Variants in GRP observed in about 807,000 individuals in gnomAD.
The protein encoded by GRP is gastrin-releasing peptide.
In GRP, 11 loss-of-function variants were observed where a neutral mutation model predicts 12.7. The observed-to-expected ratio is 0.87, with a 90% CI of 0.55 to 1.44. The LOEUF (loss-of-function observed/expected upper bound fraction) is 1.44. Ranked by LOEUF, GRP falls within the 40% of genes most tolerant of loss-of-function variation. The pLI, the probability that GRP is intolerant of heterozygous loss-of-function variation, is 0.00. For synonymous variants in GRP, 84 were observed against 77.7 expected, an observed-to-expected ratio of 1.08 and a Z score of -0.43; for missense variants, 212 against 185.4, an observed-to-expected ratio of 1.14 and a Z score of -0.83.
intron 2 of GRP, among the ~76,000 whole-genome samples, chr18:59,227,278 A>C (rs1345035497): frequency 1.3e-5 from 2 of 152,164 alleles, no homozygotes; most frequent in Non-Finnish European, 2.9e-5. Flanking sequence ...ATTCAGAAAA[A>C]AAACAAAAAC....
At chr18:59,225,409 C>G (rs1603383843) in intron 1 of GRP, 83 bp from the exon 2 acceptor site, 1 of 1,316,954 alleles carries the variant, frequency 7.6e-7, no homozygotes, top group East Asian at 2.3e-5. Flanking sequence ...ACACAATTAG[C>G]TTTAAATTTC....
rs2070010942 is a variant in GRP at position 59,230,291 on chromosome 18, T to C, written c.383-113T>C. 9.9e-6 allele frequency: 7 copies of C among 710,080 alleles called. No homozygotes were observed. In the South Asian group the frequency reaches 1.1e-4, roughly 11 times the overall value. 44.0% of individuals were successfully genotyped at this position (710,080 alleles called of 1,614,324 possible). A position where few individuals can be genotyped will look rare whatever the true frequency, so the allele number is the denominator to read the frequency against. On this transcript the variant is annotated intron_variant, in intron 2 of 2. Coordinates refer to ENST00000256857, the MANE Select transcript of GRP (RefSeq NM_002091.5). ...GTAGGTGTTAGGCTGAACCAAGAAT[T>C]TGCCTTTCTAACAAGCTCCCAAGTG...
Position 59,220,303 on chromosome 18 carries a change from T to A in GRP, c.38T>A (p.Leu13Gln). 6.6e-7 allele frequency: 1 copy of A among 1,506,246 alleles called. No homozygotes were observed. Among genetic ancestry groups the A allele is most frequent in the Non-Finnish European group, 8.8e-7 (1 of 1,131,476 alleles). 93.3% of individuals were successfully genotyped at this position (1,506,246 alleles called of 1,614,324 possible). A position where few individuals can be genotyped will look rare whatever the true frequency, so the allele number is the denominator to read the frequency against. ...GRELPLVLLA[L>Q]VLCLAPRGRA... ...GAGCTCCCGCTGGTCCTGCTGGCGC[T>A]GGTCCTCTGCCTGGCGCCCCGGGGG... is the stretch of plus-strand genomic sequence containing the variant. Residue 13 changes from leucine to glutamine, a missense_variant, in exon 1 of 3, where the codon CTG becomes CAG. Coordinates refer to ENST00000256857, the MANE Select transcript of GRP (RefSeq NM_002091.5).
At chr18:59,226,030 T>C (rs887906600) in intron 2 of GRP, among the ~76,000 whole-genome samples, 2 of 152,146 alleles carry the variant, frequency 1.3e-5, no homozygotes, top group Non-Finnish European at 2.9e-5. Context: ...CCTACAAGAA[T>C]GTTTTGATAG....
At chr18:59,223,596 A>C (rs556225803) in intron 1 of GRP, among the ~76,000 whole-genome samples, 102 of 152,298 alleles carry the variant, frequency 6.7e-4, no homozygotes, top group Middle Eastern at 3.4e-3. Flanking sequence ...TTTTACTGGC[A>C]ATAACTCTTT....
intron 1 of GRP, among the ~76,000 whole-genome samples, chr18:59,222,289 C>T (rs117752812): frequency 6.2e-4 from 95 of 152,380 alleles, no homozygotes; most frequent in South Asian, 1.7e-3. Flanking sequence ...CGCAGAACAT[C>T]TGTCTCCAGG....
At position 59,225,648 on chromosome 18, in the gene GRP, C is replaced by T. The variant is rs1379154049; in HGVS notation, c.296C>T (p.Pro99Leu). ...EAKENRNHQP[P>L]QPKALGNQQP... ...AAGGAGAACAGAAACCACCAGCCACCTCAACCCAAGGCCCTGGGCAATCAG... is the reference window on the plus strand; with the variant it reads ...AAGGAGAACAGAAACCACCAGCCACTTCAACCCAAGGCCCTGGGCAATCAG... Residue 99 changes from proline (P) to leucine (L), a missense_variant, in exon 2 of 3, where the codon CCT (proline) becomes CTT (leucine). Transcript: ENST00000256857. 1 of 1,614,114 alleles carries T rather than the reference C, an allele frequency of 6.2e-7. No individual in the cohort carries two copies. Among genetic ancestry groups the T allele is most frequent in the Non-Finnish European group, 8.5e-7 (1 of 1,179,984 alleles).
chr18:59,219,936 C>A (rs115859485), upstream of GRP, among the ~76,000 whole-genome samples: 786 of 152,194 alleles, frequency 5.2e-3, 5 homozygotes, highest in African/African-American at 0.018. Context: ...GGAATTAATC[C>A]GATGTGGGGA....
intron 2 of GRP, among the ~76,000 whole-genome samples, chr18:59,227,426 C>T (rs1455108243): frequency 2.6e-5 from 4 of 152,152 alleles, no homozygotes; most frequent in Non-Finnish European, 5.9e-5. Context: ...TGATCCCATA[C>T]TCTGAGGGTT....
intron 1 of GRP, among the ~76,000 whole-genome samples, chr18:59,223,815 A>C (rs56397556): frequency 0.033 from 4,984 of 152,296 alleles, 108 homozygotes; most frequent in African/African-American, 0.061. Context: ...TTGAGTGGCT[A>C]TCTGAGCACC....
chr18:59,227,527 A>G (rs2069963196), intron 2 of GRP, among the ~76,000 whole-genome samples: 1 of 152,178 alleles, frequency 6.6e-6, no homozygotes, highest in Non-Finnish European at 1.5e-5. Context: ...GTGGATATCC[A>G]ACAGCAGTAC....
chr18:59,228,254 A>G (rs2069975650), intron 2 of GRP, among the ~76,000 whole-genome samples: 1 of 152,160 alleles, frequency 6.6e-6, no homozygotes, highest in Non-Finnish European at 1.5e-5. Context: ...AACACCTTAC[A>G]ATGATCTTAT....
intron 1 of GRP, among the ~76,000 whole-genome samples, chr18:59,221,595 C>CTCTGTGTGTGTGTGTG (rs1555662646): frequency 6.7e-6 from 1 of 149,760 alleles, no homozygotes; most frequent in Non-Finnish European, 1.5e-5. Flanking sequence ...GTGTGTGTCT[C>CTCTGTGTGTGTGTGTG]TGTGTGTGTG....
Position 59,225,535 on chromosome 18 carries a change from T to A in GRP, c.183T>A (p.Val61=), listed in dbSNP as rs1281448562. 1 of 1,613,844 alleles carries A rather than the reference T, an allele frequency of 6.2e-7. No homozygotes were observed. Among genetic ancestry groups the A allele is most frequent in the East Asian group, 2.2e-5 (1 of 44,892 alleles). Residue 61 remains valine (V), a synonymous_variant, in exon 2 of 3, where the codon GTT becomes GTA. Transcript: ENST00000256857. ...GKKSTGESSS[V]SERGSLKQQL... Reference sequence around the variant, plus strand: ...AGAGCACAGGGGAGTCTTCTTCTGTTTCTGAGAGAGGGAGCCTGAAGCAGC... The same window carrying A: ...AGAGCACAGGGGAGTCTTCTTCTGTATCTGAGAGAGGGAGCCTGAAGCAGC...
intron 1 of GRP, among the ~76,000 whole-genome samples, chr18:59,221,461 A>G (rs1189411871): frequency 6.6e-6 from 1 of 151,910 alleles, no homozygotes; most frequent in South Asian, 2.1e-4. Context: ...AGAGCGTCCA[A>G]CTTCCTCACT....
chr18:59,220,105 C>A, upstream of GRP: 1 of 358,468 alleles, frequency 2.8e-6, no homozygotes, highest in South Asian at 3.5e-5. Flanking sequence ...GAAGAGCCCC[C>A]CAGCCCCCCC....
At position 59,220,161 on chromosome 18, in the gene GRP, A is replaced by G. The variant is rs1603382720; in HGVS notation, c.-105A>G. The G allele has an allele frequency of 2.1e-5, 12 of 572,922 alleles. No homozygotes were observed. The East Asian group carries it at 1.1e-3, about 54-fold the overall frequency. 35.5% of individuals were successfully genotyped at this position (572,922 alleles called of 1,614,324 possible). A position where few individuals can be genotyped will look rare whatever the true frequency, so the allele number is the denominator to read the frequency against. On this transcript the variant is annotated 5_prime_UTR_variant, in exon 1 of 3. Coordinates refer to ENST00000256857, the MANE Select transcript of GRP (RefSeq NM_002091.5). ...TAGGGGCCCTAGTGGAGGCCGCAGC[A>G]GTAGCACCAGCGGCTGCGGCGGCGG...
intron 2 of GRP, among the ~76,000 whole-genome samples, chr18:59,228,962 G>A (rs1020863818): frequency 6.6e-6 from 1 of 152,196 alleles, no homozygotes; most frequent in Non-Finnish European, 1.5e-5. Flanking sequence ...GGGCAAGGAA[G>A]TGAGCTACAA....
At chr18:59,228,659 A>T (rs1272444586) in intron 2 of GRP, among the ~76,000 whole-genome samples, 1 of 152,226 alleles carries the variant, frequency 6.6e-6, no homozygotes, top group Non-Finnish European at 1.5e-5. Context: ...TTCAAGGTTA[A>T]CCTTAATCCT....
Sources: gnomAD v4.1 joint callset for allele counts (sites outside exome capture counted in the v4.1 genomes callset) on GRCh38, gnomAD v4.1.1 for gene constraint, MANE v1.5 for transcripts, NCBI Gene and HGNC (gene_info 2026-07-23, HGNC 2026-07-21) for gene names.